SIAH3: variants seen among roughly 807,000 people sequenced by gnomAD.
The protein encoded by SIAH3 is seven in absentia homolog 3.
A neutral mutation model predicts 12.6 loss-of-function variants in SIAH3; 9 were observed. The ratio of observed to expected loss-of-function variants is 0.72; its 90% CI spans 0.43 to 1.25. The LOEUF (loss-of-function observed/expected upper bound fraction) is 1.25. SIAH3 is among the 50% of genes most tolerant of loss of function. SIAH3 has a pLI of 0.00. For missense variants in SIAH3, 390 were observed against 365.4 expected (o/e 1.07, Z -0.55); for synonymous variants, 154 against 151.1 (o/e 1.02, Z -0.14).
chr13:45,786,643 A>C (rs1258895529), intron 1 of SIAH3, among the ~76,000 whole-genome samples: 1 of 152,250 alleles, frequency 6.6e-6, no homozygotes, highest in African/African-American at 2.4e-5. Context: ...AACTTTATCA[A>C]GTGTTACCTC....
At chr13:45,794,191 C>A (rs1461470631) in intron 1 of SIAH3, among the ~76,000 whole-genome samples, 1 of 151,782 alleles carries the variant, frequency 6.6e-6, no homozygotes, top group East Asian at 1.9e-4. Context: ...CTCCTGGGTT[C>A]AAGTGATTCT....
At chr13:45,838,230 C>T (rs964725790) in intron 1 of SIAH3, among the ~76,000 whole-genome samples, 10 of 152,138 alleles carry the variant, frequency 6.6e-5, no homozygotes, top group Non-Finnish European at 1.5e-4. Context: ...GAAAGCTTAG[C>T]CTCTTGATTC....
chr13:45,800,765 T>C (rs1950578992), intron 1 of SIAH3, among the ~76,000 whole-genome samples: 1 of 152,260 alleles, frequency 6.6e-6, no homozygotes, highest in Non-Finnish European at 1.5e-5. Context: ...AAATGAATAA[T>C]TGTTGACCCA....
chr13:45,814,916 T>C (rs770137500), intron 1 of SIAH3, among the ~76,000 whole-genome samples: 12 of 151,528 alleles, frequency 7.9e-5, no homozygotes, highest in Non-Finnish European at 1.3e-4. Context: ...AGAGATGGGG[T>C]TTCACCACAT....
chr13:45,809,055 C>T (rs1327889233), intron 1 of SIAH3, among the ~76,000 whole-genome samples: 1 of 152,174 alleles, frequency 6.6e-6, no homozygotes, highest in Admixed American at 6.5e-5. Context: ...TTGATGATCC[C>T]TGCCTGGTCC....
At chr13:45,790,799 G>T (rs1950543490) in intron 1 of SIAH3, among the ~76,000 whole-genome samples, 1 of 152,212 alleles carries the variant, frequency 6.6e-6, no homozygotes, top group Non-Finnish European at 1.5e-5. Flanking sequence ...AGACAGGAAT[G>T]CTGCCTCCCT....
At position 45,779,135 on chromosome 13, in the gene SIAH3, TTATTATA is replaced by T. The variant is rs1950494809; in HGVS notation, c.*4241_*4247del. On this transcript the variant is annotated 3_prime_UTR_variant, in exon 2 of 2. Transcript: ENST00000400405. ...GAGCTGGAAGATGCGGTGCAGCACATTATTATATAGTATGTTCATCATACAGATGTGA... is the reference window on the plus strand; with the variant it reads ...GAGCTGGAAGATGCGGTGCAGCACATTAGTATGTTCATCATACAGATGTGA... The T allele has an allele frequency of 6.6e-6, 1 of 152,190 alleles. No homozygotes were observed. Among genetic ancestry groups the T allele is most frequent in the African/African-American group, 2.4e-5 (1 of 41,454 alleles). 9.4% of individuals were successfully genotyped at this position (152,190 alleles called of 1,614,324 possible).
chr13:45,784,988 A>T (rs1490864358), intron 1 of SIAH3, among the ~76,000 whole-genome samples: 1 of 152,230 alleles, frequency 6.6e-6, no homozygotes, highest in Admixed American at 6.5e-5. Context: ...TACAGTTTTG[A>T]CAAAGGTCCT....
chr13:45,794,053 A>G (rs140665137), intron 1 of SIAH3, among the ~76,000 whole-genome samples: 866 of 152,012 alleles, frequency 5.7e-3, no homozygotes, highest in Non-Finnish European at 8.8e-3. Flanking sequence ...GCAAGGAGGA[A>G]TTCTTCCCTA....
At chr13:45,792,395 TC>T (rs1950548683) in intron 1 of SIAH3, among the ~76,000 whole-genome samples, 2 of 151,902 alleles carry the variant, frequency 1.3e-5, no homozygotes, top group South Asian at 2.1e-4. Flanking sequence ...TTCACTCTTA[TC>T]CCCCAGGCTG....
At chr13:45,850,103 C>T (rs985340775) in intron 1 of SIAH3, among the ~76,000 whole-genome samples, 3 of 152,148 alleles carry the variant, frequency 2.0e-5, no homozygotes, top group East Asian at 1.9e-4. Flanking sequence ...CAGGTGTGAA[C>T]GGTTGCATGC....
chr13:45,822,520 A>ATATATAT (rs1950659162), intron 1 of SIAH3, among the ~76,000 whole-genome samples: 11 of 85,420 alleles, frequency 1.3e-4, no homozygotes, highest in Admixed American at 4.8e-4. Context: ...TTCATTATCA[A>ATATATAT]ATATATATAT....
intron 1 of SIAH3, among the ~76,000 whole-genome samples, chr13:45,809,321 C>T (rs116306812): frequency 0.015 from 1,099 of 71,854 alleles, 11 homozygotes; most frequent in African/African-American, 0.062. Context: ...AATCATTACA[C>T]GTGCTAGACA....
chr13:45,809,539 T>C (rs1052034259), intron 1 of SIAH3, among the ~76,000 whole-genome samples: 7 of 152,232 alleles, frequency 4.6e-5, no homozygotes, highest in Non-Finnish European at 1.0e-4. Flanking sequence ...TGGCTAAGAT[T>C]GAAATCAGAA....
chr13:45,846,304 G>T (rs1566099482), intron 1 of SIAH3, among the ~76,000 whole-genome samples: 2 of 151,926 alleles, frequency 1.3e-5, no homozygotes, highest in Non-Finnish European at 1.5e-5. Flanking sequence ...TGGCCAGGCT[G>T]GTCTCAAACT....
chr13:45,840,612 G>A (rs1425904890), intron 1 of SIAH3, among the ~76,000 whole-genome samples: 1 of 152,318 alleles, frequency 6.6e-6, no homozygotes, highest in Non-Finnish European at 1.5e-5. Context: ...ACAGGAACTC[G>A]ATCCCACCAG....
chr13:45,787,720 T>A (rs781751082), intron 1 of SIAH3, among the ~76,000 whole-genome samples: 4 of 152,162 alleles, frequency 2.6e-5, no homozygotes, highest in Non-Finnish European at 2.9e-5. Context: ...CCAGGCCTTG[T>A]AAGCCAAGCT....
chr13:45,812,084 G>C lies in SIAH3; in HGVS notation c.136-28027C>G, dbSNP rs536732911. ...ATGCCGCCCAGCACCGGTGGAGATGGAGCAGAAACAAGTGAGTCATGTTTG... is the reference window on the plus strand; with the variant it reads ...ATGCCGCCCAGCACCGGTGGAGATGCAGCAGAAACAAGTGAGTCATGTTTG... On this transcript the variant is annotated intron_variant, in intron 1 of 1. Transcript: ENST00000400405. Among the ~76,000 whole-genome samples the C allele has an allele frequency of 2.0e-5, 3 of 152,300 alleles. No individual in the cohort carries two copies. The South Asian group carries it at 6.2e-4, about 32-fold the overall frequency.
intron 1 of SIAH3, among the ~76,000 whole-genome samples, chr13:45,839,453 A>G (rs564427590): frequency 6.6e-6 from 1 of 152,350 alleles, no homozygotes; most frequent in African/African-American, 2.4e-5. Context: ...GTCATAGAGC[A>G]CAAACTTCCT....
Sources: gnomAD v4.1 joint callset for allele counts (sites outside exome capture counted in the v4.1 genomes callset) on GRCh38, gnomAD v4.1.1 for gene constraint, MANE v1.5 for transcripts, NCBI Gene and HGNC (gene_info 2026-07-23, HGNC 2026-07-21) for gene names.